CSMD1: variants seen among roughly 807,000 people sequenced by gnomAD.
The protein encoded by CSMD1 is CUB and Sushi multiple domains 1.
Under a neutral mutation model 417.5 loss-of-function variants are expected in CSMD1, and 213 were observed. That is an observed-to-expected ratio of 0.51 (90% CI 0.46 to 0.57). The LOEUF is 0.57. Among genes scored for constraint, CSMD1 ranks in the 20% least tolerant of loss-of-function variants. CSMD1 has a pLI of 0.00. For synonymous variants in CSMD1, 2,862 were observed against 1,736.8 expected (o/e 1.65, Z -16.11); for missense variants, 6,923 against 4,529.7 (o/e 1.53, Z -15.17).
chr8:4,693,345 G>C (rs1396629296), intron 1 of CSMD1, among the ~76,000 whole-genome samples: 1 of 152,228 alleles, frequency 6.6e-6, no homozygotes, highest in South Asian at 2.1e-4. Context: ...GGGATGCATG[G>C]TGCATCTTAT....
At chr8:3,226,381 G>A (rs777200879) in intron 27 of CSMD1, among the ~76,000 whole-genome samples, 6 of 152,070 alleles carry the variant, frequency 3.9e-5, no homozygotes, top group Non-Finnish European at 7.4e-5. Flanking sequence ...GCAGGAGTTC[G>A]AGACCAGTCT....
At position 3,238,833 on chromosome 8, in the gene CSMD1, G is replaced by A. The variant is rs559927673; in HGVS notation, c.4154-8602C>T. 2.8e-4 allele frequency among the ~76,000 whole-genome samples: 42 copies of A among 152,276 alleles called. 1 individual carries two copies. Among genetic ancestry groups the A allele is most frequent in the Middle Eastern group, 3.4e-3 (1 of 294 alleles). ...TTTAAGTGTTAAGAGTGGCAGGTTG[G>A]GGATGGCACCAAGAGATATCAGCTG... On this transcript the variant is annotated intron_variant, in intron 26 of 69. Transcript: ENST00000635120.
At chr8:3,470,696 T>C (rs1013216437) in intron 11 of CSMD1, among the ~76,000 whole-genome samples, 1 of 152,102 alleles carries the variant, frequency 6.6e-6, no homozygotes, top group African/African-American at 2.4e-5. Context: ...CCCTTCACTG[T>C]CCCTAACCCC....
In CSMD1 at chr8:4,894,565, A is replaced by AAAAG. The variant is rs199779008; in HGVS notation, c.85+99766_85+99767insCTTT. ...GAGAACTCATCTCAAAAAAGAAAAA[A>AAAAG]AAAAAAAAAAGCTACATTGGCAATA... On this transcript the variant is annotated intron_variant, in intron 1 of 69. Coordinates refer to ENST00000635120, the MANE Select transcript of CSMD1 (RefSeq NM_033225.6). Among the ~76,000 whole-genome samples the AAAAG allele has an allele frequency of 5.4e-3, 220 of 40,986 alleles. 3 individuals are homozygous for AAAAG. The Middle Eastern group carries it at 0.07, about 13-fold the overall frequency. 26.9% of individuals were successfully genotyped at this position (40,986 alleles called of 152,430 possible). A position where few individuals can be genotyped will look rare whatever the true frequency, so the allele number is the denominator to read the frequency against.
At chr8:4,668,094 G>T (rs528918018) in intron 1 of CSMD1, among the ~76,000 whole-genome samples, 2 of 152,148 alleles carry the variant, frequency 1.3e-5, no homozygotes, top group South Asian at 4.1e-4. Flanking sequence ...ATTCTACCTT[G>T]CACGTGTAGC....
At chr8:3,321,571 C>T (rs9644338) in intron 23 of CSMD1, among the ~76,000 whole-genome samples, 1 of 151,968 alleles carries the variant, frequency 6.6e-6, no homozygotes. Flanking sequence ...CCTGAACGCA[C>T]GGGTAGCCCA....
At chr8:3,338,397 T>C (rs1807414875) in intron 23 of CSMD1, among the ~76,000 whole-genome samples, 1 of 152,190 alleles carries the variant, frequency 6.6e-6, no homozygotes, top group Admixed American at 6.5e-5. Flanking sequence ...ATGGAAATTG[T>C]GTAAATCAAA....
At chr8:4,173,247 A>T (rs1307121787) in intron 3 of CSMD1, among the ~76,000 whole-genome samples, 1 of 152,178 alleles carries the variant, frequency 6.6e-6, no homozygotes, top group African/African-American at 2.4e-5. Context: ...TGTCTCACGC[A>T]ACATTTGGAA....
At chr8:4,457,901 C>G (rs1337100802) in intron 2 of CSMD1, among the ~76,000 whole-genome samples, 2 of 152,144 alleles carry the variant, frequency 1.3e-5, no homozygotes, top group African/African-American at 2.4e-5. Flanking sequence ...GTGAACGTCT[C>G]CATTTTCCCA....
chr8:3,629,917 C>A (rs1462488244), intron 7 of CSMD1, among the ~76,000 whole-genome samples: 5 of 152,134 alleles, frequency 3.3e-5, no homozygotes, highest in African/African-American at 1.2e-4. Flanking sequence ...TCAAAATTTT[C>A]TTGTCACAGT....
chr8:3,944,349 T>C (rs1254902020), intron 5 of CSMD1, among the ~76,000 whole-genome samples: 1 of 152,134 alleles, frequency 6.6e-6, no homozygotes, highest in Non-Finnish European at 1.5e-5. Flanking sequence ...AAGAATAATT[T>C]TTGTACCAAA....
intron 3 of CSMD1, among the ~76,000 whole-genome samples, chr8:4,244,598 C>G (rs1406035331): frequency 1.3e-5 from 2 of 151,400 alleles, no homozygotes; most frequent in Non-Finnish European, 1.5e-5. Context: ...GTAGATCTGT[C>G]TCCCAGAAAA....
chr8:4,696,108 G>C (rs901691854), intron 1 of CSMD1, among the ~76,000 whole-genome samples: 2 of 152,108 alleles, frequency 1.3e-5, no homozygotes, highest in African/African-American at 4.8e-5. Context: ...CCTTCAACAA[G>C]GATAATGCCT....
chr8:3,105,654 A>C (rs1262188984), intron 46 of CSMD1, among the ~76,000 whole-genome samples: 1 of 152,226 alleles, frequency 6.6e-6, no homozygotes, highest in Non-Finnish European at 1.5e-5. Flanking sequence ...TGTTAAACAT[A>C]TGTGAGAAAA....
chr8:3,240,197 G>A (rs1799408257), intron 26 of CSMD1, among the ~76,000 whole-genome samples: 1 of 152,070 alleles, frequency 6.6e-6, no homozygotes, highest in African/African-American at 2.4e-5. Flanking sequence ...TGACTGCGCA[G>A]CCCACACTTC....
chr8:4,409,566 C>A (rs1233383009), intron 3 of CSMD1, among the ~76,000 whole-genome samples: 1 of 151,966 alleles, frequency 6.6e-6, no homozygotes, highest in Non-Finnish European at 1.5e-5. Flanking sequence ...TGCCACTCAA[C>A]ACTTCAGCAG....
intron 3 of CSMD1, among the ~76,000 whole-genome samples, chr8:4,163,674 CAA>C (rs969967388): frequency 5.9e-5 from 9 of 151,978 alleles, no homozygotes; most frequent in African/African-American, 2.2e-4. Flanking sequence ...AATTTTAAAA[CAA>C]GAAGTAACAT....
At chr8:4,942,767 C>A (rs1585377269) in intron 1 of CSMD1, among the ~76,000 whole-genome samples, 1 of 152,176 alleles carries the variant, frequency 6.6e-6, no homozygotes, top group Admixed American at 6.5e-5. Flanking sequence ...AAATGACATA[C>A]ACAGATGATG....
intron 2 of CSMD1, among the ~76,000 whole-genome samples, chr8:4,473,174 T>G (rs937948865): frequency 6.6e-6 from 1 of 152,182 alleles, no homozygotes; most frequent in African/African-American, 2.4e-5. Context: ...CCAATGATTT[T>G]CCAAACCAAT....
Sources: allele counts gnomAD v4.1 joint callset (sites outside exome capture counted in the v4.1 genomes callset), GRCh38; gene constraint gnomAD v4.1.1; transcripts MANE v1.5; gene names NCBI Gene and HGNC (gene_info 2026-07-23, HGNC 2026-07-21).